The following FKBP5 variants were observed in gnomAD, a reference collection of about 807,000 sequenced individuals.
The protein encoded by FKBP5 is peptidyl-prolyl cis-trans isomerase FKBP5.
Under a neutral mutation model 50.5 loss-of-function variants are expected in FKBP5, and 23 were observed. That is an observed-to-expected ratio of 0.46 (90% CI 0.33 to 0.65). FKBP5 has a LOEUF of 0.65. Among genes scored for constraint, FKBP5 ranks in the 30% least tolerant of loss-of-function variants. FKBP5 has a pLI of 0.02. For missense variants in FKBP5, 411 were observed against 553.1 expected, an observed-to-expected ratio of 0.74 and a Z score of 2.58; for synonymous variants, 176 against 190.6, an observed-to-expected ratio of 0.92 and a Z score of 0.63.
At chr6:35,724,256 A>G (rs1766661899) in intron 1 of FKBP5, among the ~76,000 whole-genome samples, 1 of 152,144 alleles carries the variant, frequency 6.6e-6, no homozygotes, top group Admixed American at 6.5e-5. Context: ...CAATACAACC[A>G]GGAAGTTTAT....
intron 1 of FKBP5, among the ~76,000 whole-genome samples, chr6:35,723,917 T>C (rs1766656957): frequency 6.6e-6 from 1 of 152,230 alleles, no homozygotes; most frequent in African/African-American, 2.4e-5. Flanking sequence ...GGAAACAAAG[T>C]ACCCCAGACA....
chr6:35,655,068 T>A (rs1175049680), intron 1 of FKBP5, among the ~76,000 whole-genome samples: 1 of 151,974 alleles, frequency 6.6e-6, no homozygotes, highest in Admixed American at 6.6e-5. Flanking sequence ...ACAACTGTAA[T>A]CCCAGCACTT....
intron 1 of FKBP5, among the ~76,000 whole-genome samples, chr6:35,659,277 C>T (rs1177128303): frequency 1.4e-5 from 1 of 72,740 alleles, no homozygotes; most frequent in Non-Finnish European, 3.0e-5. Flanking sequence ...GACTGAGTTT[C>T]GCTCCTGTTG....
intron 1 of FKBP5, among the ~76,000 whole-genome samples, chr6:35,688,319 G>A (rs1765894566): frequency 6.6e-6 from 1 of 152,104 alleles, no homozygotes; most frequent in Admixed American, 6.5e-5. Flanking sequence ...TTGTCCCGGC[G>A]CCCGGACCCG....
At chr6:35,651,998 C>T (rs563757185) in intron 1 of FKBP5, 8 of 249,056 alleles carry the variant, frequency 3.2e-5, no homozygotes, top group South Asian at 7.3e-5. Context: ...GACAGAAGAA[C>T]GTGGATTATG....
rs114110413 is a variant in FKBP5, at chr6:35,612,870, C to T, written c.508+6226G>A. ...GGATTGTGGGAACTACAATTCAAGA[C>T]GAGATTTGGGTAGGCACACAGCCAA... On this transcript the variant is annotated intron_variant, in intron 5 of 10. Coordinates refer to ENST00000357266, the MANE Select transcript of FKBP5 (RefSeq NM_004117.4). 3.9e-3 allele frequency among the ~76,000 whole-genome samples: 597 copies of T among 152,306 alleles called. 4 individuals carry two copies. Among genetic ancestry groups the T allele is most frequent in the African/African-American group, 0.011 (448 of 41,560 alleles).
At chr6:35,576,900 G>A in intron 10 of FKBP5, 94 bp downstream of exon 10, 3 of 1,457,214 alleles carry the variant, frequency 2.1e-6, no homozygotes, top group Non-Finnish European at 2.8e-6. Flanking sequence ...CTGCTCTTGA[G>A]CCTCTTGGGT....
chr6:35,665,531 C>T (rs930242854), intron 1 of FKBP5, among the ~76,000 whole-genome samples: 7 of 152,064 alleles, frequency 4.6e-5, no homozygotes, highest in Non-Finnish European at 8.8e-5. Context: ...CTTCATGATC[C>T]GCCCGCCTCG....
At chr6:35,604,273 T>C (rs986420950) in intron 5 of FKBP5, among the ~76,000 whole-genome samples, 3 of 152,140 alleles carry the variant, frequency 2.0e-5, no homozygotes, top group Non-Finnish European at 4.4e-5. Context: ...CTTCCCGAAG[T>C]GTTGGGATTA....
At chr6:35,693,718 G>T (rs375965143), upstream of FKBP5, among the ~76,000 whole-genome samples, 1 of 148,904 alleles carries the variant, frequency 6.7e-6, no homozygotes, top group Non-Finnish European at 1.5e-5. Flanking sequence ...ACAGGGTTTC[G>T]CCATGTTGGC....
In FKBP5 at chr6:35,592,953, G is replaced by A. The variant is rs78569311; in HGVS notation, c.666-1733C>T. 9.4e-3 allele frequency among the ~76,000 whole-genome samples: 1,430 copies of A among 152,308 alleles called. 25 individuals are homozygous for A. Among genetic ancestry groups the A allele is most frequent in the African/African-American group, 0.032 (1,339 of 41,560 alleles). On this transcript the variant is annotated intron_variant, in intron 6 of 10. Transcript: ENST00000357266. ...TGTGGGGAATGTGGGGCTGTATCAA[G>A]GGAGGCACCAAGTGTCCTATTATTG...
chr6:35,665,663 C>G (rs552084432), intron 1 of FKBP5, among the ~76,000 whole-genome samples: 28 of 152,296 alleles, frequency 1.8e-4, no homozygotes, highest in Admixed American at 6.5e-4. Flanking sequence ...TCATCTAAAT[C>G]TGTACAATAC....
In FKBP5 at chr6:35,703,729, T is replaced by C. The variant is rs533948152; in HGVS notation, c.-20+16599A>G. Among the ~76,000 whole-genome samples the C allele has an allele frequency of 1.2e-4, 18 of 152,264 alleles. No individual in the cohort carries two copies. The East Asian group carries it at 3.3e-3, about 28-fold the overall frequency. Reference sequence around the variant, plus strand: ...CCCAGCCTCCCTTGCAGCTAGAACATTGACATGTGACCCAGTTCTACCAAT... The same window carrying C: ...CCCAGCCTCCCTTGCAGCTAGAACACTGACATGTGACCCAGTTCTACCAAT... On this transcript the variant is annotated intron_variant, in intron 2 of 11. Coordinates refer to the FKBP5 transcript ENST00000536438.
chr6:35,611,888 GAAGTAA>G (rs1304053526), intron 5 of FKBP5, among the ~76,000 whole-genome samples: 1 of 152,034 alleles, frequency 6.6e-6, no homozygotes, highest in Non-Finnish European at 1.5e-5. Context: ...TTATGAAAAG[GAAGTAA>G]AAGTTTACAA....
intron 1 of FKBP5, among the ~76,000 whole-genome samples, chr6:35,680,515 AAGT>A (rs1254785194): frequency 4.6e-5 from 7 of 152,248 alleles, no homozygotes; most frequent in African/African-American, 1.7e-4. Context: ...TACATAAAAT[AAGT>A]AGTAGAATTG....
intron 2 of FKBP5, among the ~76,000 whole-genome samples, chr6:35,705,417 C>A (rs374195227): frequency 2.0e-5 from 3 of 150,560 alleles, no homozygotes; most frequent in Non-Finnish European, 4.4e-5. Context: ...CAGGCACACA[C>A]CACCATGCTC....
At chr6:35,601,317 C>G (rs1433266369) in intron 5 of FKBP5, among the ~76,000 whole-genome samples, 1 of 152,196 alleles carries the variant, frequency 6.6e-6, no homozygotes, top group Admixed American at 6.5e-5. Context: ...GGAGGTATCA[C>G]AGCCTCATGG....
At chr6:35,657,837 G>T (rs1258792637) in intron 1 of FKBP5, among the ~76,000 whole-genome samples, 1 of 152,076 alleles carries the variant, frequency 6.6e-6, no homozygotes, top group African/African-American at 2.4e-5. Context: ...GGATAACAAT[G>T]TTCTAATCTA....
intron 7 of FKBP5, among the ~76,000 whole-genome samples, chr6:35,589,058 A>G (rs1036183896): frequency 2.8e-5 from 4 of 143,388 alleles, no homozygotes; most frequent in Admixed American, 2.1e-4. Context: ...ATGTGTGTGT[A>G]TGTGTGTGTG....
Sources: gnomAD v4.1 joint callset for allele counts (sites outside exome capture counted in the v4.1 genomes callset) on GRCh38, gnomAD v4.1.1 for gene constraint, MANE v1.5 for transcripts, NCBI Gene and HGNC (gene_info 2026-07-23, HGNC 2026-07-21) for gene names.